Variants in FDFT1 observed in about 807,000 individuals in gnomAD.
FDFT1 encodes farnesyl-diphosphate farnesyltransferase 1.
Under a neutral mutation model 46.8 loss-of-function variants are expected in FDFT1, and 68 were observed. The observed-to-expected ratio is 1.45, with a 90% CI of 1.19 to 1.78. The LOEUF (loss-of-function observed/expected upper bound fraction) is 1.78. Among genes scored for constraint, FDFT1 ranks in the 40% most tolerant of loss-of-function variants. The pLI is 0.00. For missense variants in FDFT1, 928 were observed against 524.4 expected, an observed-to-expected ratio of 1.77 and a Z score of -7.52; for synonymous variants, 351 against 185.1, an observed-to-expected ratio of 1.90 and a Z score of -7.28.
intron 1 of FDFT1, 75 bp downstream of exon 1, chr8:11,803,006 G>T (rs1305992985): frequency 9.8e-6 from 15 of 1,531,722 alleles, no homozygotes; most frequent in African/African-American, 1.4e-5. Context: ...GAGCGGCCGG[G>T]CCCGGATCTG....
At chr8:11,834,447 C>T (rs1366716465) in intron 7 of FDFT1, among the ~76,000 whole-genome samples, 4 of 152,214 alleles carry the variant, frequency 2.6e-5, no homozygotes, top group Admixed American at 6.5e-5. Context: ...CGTGTCTCTG[C>T]ACACTTCCTG....
chr8:11,800,380 C>T (rs372414240), upstream of FDFT1, among the ~76,000 whole-genome samples: 2 of 149,796 alleles, frequency 1.3e-5, no homozygotes, highest in African/African-American at 4.9e-5. Context: ...TGGGAGTATA[C>T]CAAACAAAGG....
chr8:11,838,889 G>T lies in FDFT1; in HGVS notation c.*280G>T, dbSNP rs1811946389. ...GTGCCACGGTTTAGGTGAAGTCGCT[G>T]CATATGTGACTGTCATGAGATCCTA... On this transcript the variant is annotated 3_prime_UTR_variant, in exon 8 of 8. Transcript: ENST00000220584. 1 of 435,520 alleles carries T rather than the reference G, an allele frequency of 2.3e-6. No homozygotes were observed. The highest frequency in any genetic ancestry group is 4.2e-6 in the Non-Finnish European group (1 of 239,406). The allele number at this position is 435,520 out of a possible 1,614,324, so 27.0% of individuals were successfully genotyped here.
chr8:11,830,832 C>A (rs1413927746), intron 6 of FDFT1, among the ~76,000 whole-genome samples: 5 of 152,204 alleles, frequency 3.3e-5, no homozygotes, highest in African/African-American at 9.7e-5. Flanking sequence ...GAACCTGGTC[C>A]GGTAGACCTA....
At chr8:11,813,511 G>C (rs890057212) in intron 3 of FDFT1, among the ~76,000 whole-genome samples, 1 of 152,164 alleles carries the variant, frequency 6.6e-6, no homozygotes, top group Non-Finnish European at 1.5e-5. Flanking sequence ...GAGAAATTAA[G>C]TACTTTGCCT....
chr8:11,803,345 C>G, intron 1 of FDFT1: 2 of 1,291,514 alleles, frequency 1.5e-6, no homozygotes, highest in Non-Finnish European at 2.0e-6. Context: ...AAGGCCGTTT[C>G]TGGAATGAAG....
In FDFT1 at chr8:11,838,911, C is replaced by G. The variant is rs1811950015; in HGVS notation, c.*302C>G. 1 of 378,786 alleles carries G rather than the reference C, an allele frequency of 2.6e-6. No homozygotes were observed. 23.5% of individuals were successfully genotyped at this position (378,786 alleles called of 1,614,324 possible). A position where few individuals can be genotyped will look rare whatever the true frequency, so the allele number is the denominator to read the frequency against. ...GCTGCATATGTGACTGTCATGAGAT[C>G]CTACTTAGTATGATCCTGGCTAGAA... On this transcript the variant is annotated 3_prime_UTR_variant, in exon 8 of 8. Transcript: ENST00000220584.
At chr8:11,828,642 C>A (rs1156246819) in intron 5 of FDFT1, among the ~76,000 whole-genome samples, 2 of 152,258 alleles carry the variant, frequency 1.3e-5, no homozygotes, top group Non-Finnish European at 2.9e-5. Context: ...CATTCACTTA[C>A]TTTATCTGTA....
rs73545799 is a variant in FDFT1 at position 11,802,753 on chromosome 8, C to G, written c.-80C>G. 2.5e-3 allele frequency: 2,806 copies of G among 1,136,190 alleles called. 39 individuals carry two copies. The African/African-American group carries it at 0.034, about 14-fold the overall frequency. The allele number at this position is 1,136,190 out of a possible 1,614,324, so 70.4% of individuals were successfully genotyped here. A position where few individuals can be genotyped will look rare whatever the true frequency, so the allele number is the denominator to read the frequency against. On this transcript the variant is annotated 5_prime_UTR_variant, in exon 1 of 8. Coordinates refer to ENST00000220584, the MANE Select transcript of FDFT1 (RefSeq NM_004462.5). Reference sequence around the variant, plus strand: ...CGGCCAGCCCCTCGAAGCACCTACTCCACAGGTCCAGCCGGCCGGTGAGCG... The same window carrying G: ...CGGCCAGCCCCTCGAAGCACCTACTGCACAGGTCCAGCCGGCCGGTGAGCG...
upstream of FDFT1, among the ~76,000 whole-genome samples, chr8:11,797,709 C>T (rs910412060): frequency 6.6e-6 from 1 of 150,618 alleles, no homozygotes; most frequent in African/African-American, 2.4e-5. Context: ...AAAGGAGAGG[C>T]CAGGAAACAC....
At chr8:11,833,602 A>T (rs1479303152) in intron 7 of FDFT1, among the ~76,000 whole-genome samples, 1 of 152,166 alleles carries the variant, frequency 6.6e-6, no homozygotes, top group Non-Finnish European at 1.5e-5. Context: ...GTTGTAATTC[A>T]TAGTTTGAGG....
At chr8:11,817,894 T>A (rs1808682189) in intron 3 of FDFT1, among the ~76,000 whole-genome samples, 1 of 152,060 alleles carries the variant, frequency 6.6e-6, no homozygotes, top group African/African-American at 2.4e-5. Context: ...ATTTCTTGCC[T>A]TTTACTAGCT....
At chr8:11,833,825 AGTT>A (rs1395330466) in intron 7 of FDFT1, among the ~76,000 whole-genome samples, 2 of 152,372 alleles carry the variant, frequency 1.3e-5, no homozygotes, top group African/African-American at 2.4e-5. Context: ...TTAGGGTATC[AGTT>A]GTTCTGTTAT....
At chr8:11,799,435 T>C (rs1290612484), upstream of FDFT1, among the ~76,000 whole-genome samples, 1 of 152,258 alleles carries the variant, frequency 6.6e-6, no homozygotes, top group Non-Finnish European at 1.5e-5. Flanking sequence ...TCTTCAAGTG[T>C]AGGGGTGCCT....
At chr8:11,800,860 GTTT>G (rs1340425473), upstream of FDFT1, among the ~76,000 whole-genome samples, 1 of 152,184 alleles carries the variant, frequency 6.6e-6, no homozygotes, top group Admixed American at 6.5e-5. Flanking sequence ...TGGAAACTAA[GTTT>G]TTAAGATTTT....
At chr8:11,829,199 A>C (rs555172730) in intron 5 of FDFT1, among the ~76,000 whole-genome samples, 99 of 152,356 alleles carry the variant, frequency 6.5e-4, no homozygotes, top group African/African-American at 2.3e-3. Flanking sequence ...TTTTATTTAT[A>C]ATAAATGTAC....
chr8:11,818,973 T>G (rs1310517868), intron 3 of FDFT1, among the ~76,000 whole-genome samples: 5 of 152,252 alleles, frequency 3.3e-5, no homozygotes, highest in African/African-American at 1.2e-4. Flanking sequence ...TTTGGCATGT[T>G]TTTGCAGTGG....
chr8:11,832,559 A>AAAAAAAAAAC (rs1810956701), intron 7 of FDFT1, among the ~76,000 whole-genome samples: 1 of 146,116 alleles, frequency 6.8e-6, no homozygotes, highest in Non-Finnish European at 1.5e-5. Context: ...CTCAAAAAAA[A>AAAAAAAAAAC]AAAAAAAAAA....
chr8:11,827,156 T>C lies in FDFT1; in HGVS notation c.702+941T>C, dbSNP rs1378408717. Among the ~76,000 whole-genome samples the C allele has an allele frequency of 3.9e-5, 6 of 152,274 alleles. No individual in the cohort carries two copies. In the East Asian group the frequency reaches 1.2e-3, roughly 29 times the overall value. ...TTTTGCTTTCCATAAAAGTGTTTCC[T>C]GCAGCCAAGTACTTTAAAGTTTTAA... On this transcript the variant is annotated intron_variant, in intron 5 of 7. Transcript: ENST00000220584.
Sources: allele counts gnomAD v4.1 joint callset (sites outside exome capture counted in the v4.1 genomes callset), GRCh38; gene constraint gnomAD v4.1.1; transcripts MANE v1.5; gene names NCBI Gene and HGNC (gene_info 2026-07-23, HGNC 2026-07-21).